Variants in SHPRH observed in about 807,000 individuals in gnomAD.
The protein encoded by SHPRH is SNF2 histone linker PHD RING helicase.
A neutral mutation model predicts 202.5 loss-of-function variants in SHPRH; 106 were observed. That is an observed-to-expected ratio of 0.52 (90% CI 0.45 to 0.62). The LOEUF is 0.62. SHPRH is among the 20% of genes least tolerant of loss of function. SHPRH has a pLI of 0.00. For synonymous variants in SHPRH, 729 were observed against 686.0 expected, an observed-to-expected ratio of 1.06 and a Z score of -0.98; for missense variants, 1,710 against 2,020.0, an observed-to-expected ratio of 0.85 and a Z score of 2.94.
intron 20 of SHPRH, among the ~76,000 whole-genome samples, chr6:145,921,716 A>T (rs1027225566): frequency 3.9e-5 from 6 of 152,046 alleles, no homozygotes; most frequent in African/African-American, 4.8e-5. Flanking sequence ...TTGGAGATAA[A>T]TAAACAGAAT....
chr6:145,943,444 G>C lies in SHPRH; in HGVS notation c.1937C>G (p.Ser646Cys), dbSNP rs764410394. Residue 646 changes from serine to cysteine, a missense_variant, in exon 9 of 30, where the codon TCT becomes TGT. Ser to Cys is a moderately radical substitution (Grantham distance 112). Around this residue, in one of 8 missense-constraint regions of SHPRH, gnomAD observed 348 missense variants for 356.9 expected, o/e 0.97. Transcript: ENST00000275233. Reference sequence around the variant, plus strand: ...GGTGTTAAAGGGACTCATGGTATTAGAAGGTGGTACATCACTATCAGCATG... The same window carrying C: ...GGTGTTAAAGGGACTCATGGTATTACAAGGTGGTACATCACTATCAGCATG... Reference protein sequence around the residue: ...LNHADSDVPPSNTMSPFNTSD... With the variant: ...LNHADSDVPPCNTMSPFNTSD... 1 of 1,614,034 alleles carries C rather than the reference G, an allele frequency of 6.2e-7. No individual in the cohort carries two copies. The highest frequency in any genetic ancestry group is 2.2e-5 in the East Asian group (1 of 44,876).
At chr6:145,942,189 A>G (rs1289055607) in intron 9 of SHPRH, among the ~76,000 whole-genome samples, 3 of 152,206 alleles carry the variant, frequency 2.0e-5, no homozygotes, top group African/African-American at 4.8e-5. Flanking sequence ...AGGTGGCAAA[A>G]AGAGAAAAGG....
downstream of SHPRH, among the ~76,000 whole-genome samples, chr6:145,862,346 C>G (rs1403778283): frequency 6.6e-6 from 1 of 151,264 alleles, no homozygotes; most frequent in Non-Finnish European, 1.5e-5. Flanking sequence ...CCCAGCTACT[C>G]GGGAGGCTGA....
At chr6:145,909,988 A>G (rs1783346714) in intron 25 of SHPRH, 1 of 152,902 alleles carries the variant, frequency 6.5e-6, no homozygotes, top group African/African-American at 2.4e-5. Context: ...ATGCTGTTTA[A>G]AAAGCACATT....
At chr6:145,958,324 A>G (rs1350301794) in intron 1 of SHPRH, among the ~76,000 whole-genome samples, 2 of 152,234 alleles carry the variant, frequency 1.3e-5, no homozygotes. Context: ...TGATTTAAAG[A>G]GCAAAAACAA....
intron 17 of SHPRH, among the ~76,000 whole-genome samples, chr6:145,924,155 A>C (rs947156296): frequency 2.0e-5 from 3 of 151,984 alleles, no homozygotes; most frequent in Non-Finnish European, 4.4e-5. Flanking sequence ...CTTCATTCTA[A>C]TCTTTAACTA....
At chr6:145,941,265 T>C (rs911210952) in intron 10 of SHPRH, among the ~76,000 whole-genome samples, 4 of 152,216 alleles carry the variant, frequency 2.6e-5, no homozygotes, top group Non-Finnish European at 5.9e-5. Flanking sequence ...TAAAAGACTG[T>C]CAAAGTCAAC....
At chr6:145,942,375 C>T (rs960607402) in intron 9 of SHPRH, among the ~76,000 whole-genome samples, 1 of 152,046 alleles carries the variant, frequency 6.6e-6, no homozygotes, top group Admixed American at 6.6e-5. Context: ...TATTCCTATC[C>T]CACACATAAG....
At chr6:145,928,057 AT>A (rs1313294211) in intron 14 of SHPRH, among the ~76,000 whole-genome samples, 4 of 152,132 alleles carry the variant, frequency 2.6e-5, no homozygotes, top group Non-Finnish European at 2.9e-5. Flanking sequence ...TTCAAAAAAA[AT>A]ATTTCGTGAC....
chr6:145,893,302 G>C lies in SHPRH; in HGVS notation c.4787C>G (p.Ala1596Gly). Residue 1596 changes from alanine (A) to glycine (G), a missense_variant, in exon 28 of 30, where the codon GCA becomes GGA. Transcript: ENST00000275233. Reference protein sequence around the residue: ...TGSNGLTIIEATHVLLVEPIL... With the variant: ...TGSNGLTIIEGTHVLLVEPIL... The stretch of plus-strand genomic sequence containing the variant: ...GGGCTCCACCAAGAGAACATGAGTT[G>C]CTTCAATGATAGTTAATCCATTAGA... 1 of 1,604,926 alleles carries C rather than the reference G, an allele frequency of 6.2e-7. No individual in the cohort carries two copies. The highest frequency in any genetic ancestry group is 8.5e-7 in the Non-Finnish European group (1 of 1,176,054).
At chr6:145,911,117 A>T (rs906080849) in intron 24 of SHPRH, among the ~76,000 whole-genome samples, 1 of 152,094 alleles carries the variant, frequency 6.6e-6, no homozygotes, top group Non-Finnish European at 1.5e-5. Flanking sequence ...ATTACAAACA[A>T]AAAGAAATTA....
Position 145,950,444 on chromosome 6 carries a change from G to T in SHPRH, c.802C>A (p.Pro268Thr). ...AGCTCGTCAATGTCTTGTCCCTCTG[G>T]CTCACTCTCCGGATCATCTTCATCC... The part of the protein sequence containing the change: ...EEDEDDPESE[P>T]EGQDIDELYH... Residue 268 changes from proline to threonine, a missense_variant, in exon 4 of 30, where the codon CCA becomes ACA. Coordinates refer to ENST00000275233, the MANE Select transcript of SHPRH (RefSeq NM_001042683.3). The T allele has an allele frequency of 6.2e-7, 1 of 1,613,018 alleles. No homozygotes were observed. The highest frequency in any genetic ancestry group is 8.5e-7 in the Non-Finnish European group (1 of 1,179,308).
In SHPRH at chr6:145,887,709, G is replaced by T. The variant is rs146570916; in HGVS notation, c.4955+311C>A. ...GTCACCATGCCTGGCTAATTTTTGTGTTTTTAGTAGAGATGGGGTTTCACC... is the reference window on the plus strand; with the variant it reads ...GTCACCATGCCTGGCTAATTTTTGTTTTTTTAGTAGAGATGGGGTTTCACC... On this transcript the variant is annotated intron_variant, in intron 29 of 29. Transcript: ENST00000275233. 2.4e-3 allele frequency among the ~76,000 whole-genome samples: 359 copies of T among 151,776 alleles called. 2 individuals are homozygous for T. Among genetic ancestry groups the T allele is most frequent in the African/African-American group, 8.4e-3 (349 of 41,430 alleles).
rs760536619 is a variant in SHPRH at position 145,922,723 on chromosome 6, C to A, written c.3659G>T (p.Arg1220Leu). ...AVKNLEGPPSRNVIESATVCH... is the reference protein window; with the variant it reads ...AVKNLEGPPSLNVIESATVCH... Reference sequence around the variant, plus strand: ...GACTGTTGCAGACTCAATAACATTACGAGATGGAGGTCCCTCCAGGTTTTT... The same window carrying A: ...GACTGTTGCAGACTCAATAACATTAAGAGATGGAGGTCCCTCCAGGTTTTT... Residue 1220 changes from arginine to leucine, a missense_variant, in exon 19 of 30, where the codon CGT (arginine) becomes CTT (leucine). Physicochemically the swap from Arg to Leu is moderately radical, Grantham distance 102. This residue lies in a region of SHPRH where 288 missense variants were observed against 317.8 expected (regional missense o/e 0.91). Coordinates refer to ENST00000275233, the MANE Select transcript of SHPRH (RefSeq NM_001042683.3). 2 of 1,612,112 alleles carry A rather than the reference C, an allele frequency of 1.2e-6. No individual in the cohort carries two copies. The highest frequency in any genetic ancestry group is 1.7e-6 in the Non-Finnish European group (2 of 1,178,812).
intron 28 of SHPRH, among the ~76,000 whole-genome samples, chr6:145,889,494 C>T (rs1436416465): frequency 6.6e-6 from 1 of 152,040 alleles, no homozygotes; most frequent in Non-Finnish European, 1.5e-5. Flanking sequence ...TGAGTGCCAA[C>T]GTGACAAGTG....
At chr6:145,929,641 T>C (rs1025946429) in intron 14 of SHPRH, among the ~76,000 whole-genome samples, 1 of 152,022 alleles carries the variant, frequency 6.6e-6, no homozygotes, top group Non-Finnish European at 1.5e-5. Context: ...AAGGAACATA[T>C]CCTCTATTAA....
intron 1 of SHPRH, among the ~76,000 whole-genome samples, chr6:145,958,122 T>C (rs2128809371): frequency 6.6e-6 from 1 of 152,240 alleles, no homozygotes; most frequent in South Asian, 2.1e-4. Context: ...AAAAACCTGA[T>C]TGCAGAAAGT....
rs117946911 is a variant in SHPRH at position 145,868,723 on chromosome 6, G to T, written c.222-4232C>A. 4.2e-3 allele frequency among the ~76,000 whole-genome samples: 635 copies of T among 152,238 alleles called. 18 individuals carry two copies. In the East Asian group the frequency reaches 0.071, roughly 17 times the overall value. On this transcript the variant is annotated intron_variant, in intron 2 of 2. Transcript: ENST00000417762. ...TATATTCAATCTGAAGCTGAAGAAGGATGTACAGCCTCAGCCGTCAATTGT... is the reference window on the plus strand; with the variant it reads ...TATATTCAATCTGAAGCTGAAGAAGTATGTACAGCCTCAGCCGTCAATTGT...
chr6:145,887,765 C>T (rs1037677683), intron 29 of SHPRH, among the ~76,000 whole-genome samples: 1 of 151,984 alleles, frequency 6.6e-6, no homozygotes, highest in Admixed American at 6.6e-5. Flanking sequence ...GAACTCCCAG[C>T]CTCAGAAAGT....
Sources: gnomAD v4.1 joint callset for allele counts (sites outside exome capture counted in the v4.1 genomes callset) on GRCh38, gnomAD v4.1.1 for gene constraint, gnomAD v4.1.1 regional missense constraint, MANE v1.5 for transcripts, NCBI Gene and HGNC (gene_info 2026-07-23, HGNC 2026-07-21) for gene names.